Variants in IBTK observed in about 807,000 individuals in gnomAD.
IBTK encodes inhibitor of Bruton tyrosine kinase.
Under a neutral mutation model 154.9 loss-of-function variants are expected in IBTK, and 83 were observed. That is an observed-to-expected ratio of 0.54 (90% CI 0.45 to 0.64). The LOEUF (loss-of-function observed/expected upper bound fraction) is 0.64, where lower values mean the gene tolerates loss of function less well. IBTK is among the 30% of genes least tolerant of loss of function. The pLI, the probability that IBTK is intolerant of heterozygous loss-of-function variation, is 0.00. For missense variants in IBTK, 1,332 were observed against 1,584.6 expected, an observed-to-expected ratio of 0.84 and a Z score of 2.71; for synonymous variants, 515 against 536.1, an observed-to-expected ratio of 0.96 and a Z score of 0.54.
At chr6:82,242,285 C>T (rs1770980919) in intron 1 of IBTK, among the ~76,000 whole-genome samples, 1 of 151,976 alleles carries the variant, frequency 6.6e-6, no homozygotes, top group African/African-American at 2.4e-5. Flanking sequence ...AGGAGAATCG[C>T]TTGAACCCAG....
chr6:82,215,258 C>A (rs568290241), intron 11 of IBTK, among the ~76,000 whole-genome samples: 4 of 152,140 alleles, frequency 2.6e-5, no homozygotes, highest in Non-Finnish European at 5.9e-5. Flanking sequence ...TGGATGATGA[C>A]CCTACTTGCA....
chr6:82,217,544 A>G (rs1445672053), intron 10 of IBTK, among the ~76,000 whole-genome samples: 1 of 152,188 alleles, frequency 6.6e-6, no homozygotes, highest in African/African-American at 2.4e-5. Flanking sequence ...ATGTTTACAG[A>G]CTTGAATAAT....
chr6:82,208,911 A>G (rs1012744676), intron 16 of IBTK, among the ~76,000 whole-genome samples: 5 of 152,176 alleles, frequency 3.3e-5, no homozygotes, highest in Non-Finnish European at 5.9e-5. Context: ...AATAATTGAG[A>G]AAAAAAGTGT....
chr6:82,192,035 T>C (rs765986866), intron 23 of IBTK, among the ~76,000 whole-genome samples, 156 bp from the exon 24 acceptor site: 2 of 152,174 alleles, frequency 1.3e-5, no homozygotes, highest in Non-Finnish European at 2.9e-5. Context: ...ATATTTTGAA[T>C]AAAAGCTACT....
In IBTK at chr6:82,200,235, T is replaced by G; in HGVS notation, c.2931A>C (p.Lys977Asn). The G allele has an allele frequency of 1.2e-6, 2 of 1,613,144 alleles. No homozygotes were observed. The highest frequency in any genetic ancestry group is 8.5e-7 in the Non-Finnish European group (1 of 1,179,262). ...GCTTCTTTTTAGCTTTTGTTTTTGC[T>G]TTCTTGAACATAGTTTCCCTAGGAA... is the stretch of plus-strand genomic sequence containing the variant. ...EQNHSETMFKKAKTKAKKKPR... is the reference protein window; with the variant it reads ...EQNHSETMFKNAKTKAKKKPR... Residue 977 changes from lysine to asparagine, a missense_variant, in exon 21 of 29, where the codon AAA becomes AAC. Transcript: ENST00000306270.
chr6:82,235,802 G>A (rs1011679865), intron 2 of IBTK, among the ~76,000 whole-genome samples: 1 of 152,242 alleles, frequency 6.6e-6, no homozygotes, highest in African/African-American at 2.4e-5. Context: ...TCCAGTTGCA[G>A]GCAAAAATAA....
intron 17 of IBTK, among the ~76,000 whole-genome samples, chr6:82,204,244 C>T (rs75887761): frequency 0.041 from 6,243 of 152,062 alleles, 233 homozygotes; most frequent in South Asian, 0.15. Context: ...AGTGAGAACC[C>T]AAAGGTAGGG....
At chr6:82,245,070 T>A (rs1274907452) in intron 1 of IBTK, among the ~76,000 whole-genome samples, 2 of 152,216 alleles carry the variant, frequency 1.3e-5, no homozygotes, top group African/African-American at 4.8e-5. Flanking sequence ...TATGATCTAT[T>A]ACACAGTTCC....
At chr6:82,245,292 C>T (rs1335455376) in intron 1 of IBTK, among the ~76,000 whole-genome samples, 1 of 152,146 alleles carries the variant, frequency 6.6e-6, no homozygotes, top group African/African-American at 2.4e-5. Context: ...GGCACAGTGG[C>T]TCATGCCTGT....
intron 12 of IBTK, among the ~76,000 whole-genome samples, chr6:82,213,009 C>G (rs766523491): frequency 6.6e-6 from 1 of 151,126 alleles, no homozygotes; most frequent in Non-Finnish European, 1.5e-5. Flanking sequence ...AAAGACAAAT[C>G]AAAGCCATAG....
chr6:82,246,598 C>A (rs572043817), intron 1 of IBTK, among the ~76,000 whole-genome samples: 1 of 152,062 alleles, frequency 6.6e-6, no homozygotes, highest in African/African-American at 2.4e-5. Flanking sequence ...CCACCGCGCC[C>A]GGCCTAAAAA....
chr6:82,225,278 C>T (rs139412188), intron 6 of IBTK, among the ~76,000 whole-genome samples, 199 bp downstream of exon 6: 2,621 of 151,916 alleles, frequency 0.017, 35 homozygotes, highest in Non-Finnish European at 0.029. Context: ...CCACTGCACT[C>T]CAGCCTGGGC....
In IBTK at chr6:82,194,638, T is replaced by C. The variant is rs764038171; in HGVS notation, c.3179A>G (p.Lys1060Arg). 2 of 1,576,610 alleles carry C rather than the reference T, an allele frequency of 1.3e-6. No homozygotes were observed. Among genetic ancestry groups the C allele is most frequent in the South Asian group, 2.4e-5 (2 of 82,560 alleles). ...TGTACCATTAACATACGGTTTGACT[T>C]TCGCCTGGGGAGAGAAAAAAAATAA... The part of the protein sequence containing the change: ...TGFHSDKIEA[K>R]VKPYVNGTSP... Residue 1060 changes from lysine to arginine, a missense_variant, in exon 23 of 29, where the codon AAA (lysine) becomes AGA (arginine). Lys to Arg is a conservative substitution (Grantham distance 26). Coordinates refer to ENST00000306270, the MANE Select transcript of IBTK (RefSeq NM_015525.4).
chr6:82,173,567 C>A, intron 26 of IBTK, 129 bp from the exon 27 acceptor site: 1 of 565,922 alleles, frequency 1.8e-6, no homozygotes, highest in Non-Finnish European at 3.1e-6. Flanking sequence ...TGCAGTCAAG[C>A]TTACCTTTAA....
intron 8 of IBTK, among the ~76,000 whole-genome samples, chr6:82,221,902 C>T (rs1473520133): frequency 3.3e-5 from 5 of 152,100 alleles, no homozygotes; most frequent in East Asian, 1.9e-4. Context: ...CAGTGGCTCA[C>T]GCCTGTAATC....
chr6:82,183,899 C>T (rs888519300), intron 25 of IBTK, among the ~76,000 whole-genome samples: 1 of 152,202 alleles, frequency 6.6e-6, no homozygotes, highest in African/African-American at 2.4e-5. Flanking sequence ...CTGTCTCTCA[C>T]CCTGCTGGCA....
chr6:82,200,327 A>T (rs1261439725), intron 20 of IBTK, 74 bp from the exon 21 acceptor site: 2 of 1,025,432 alleles, frequency 2.0e-6, no homozygotes, highest in Non-Finnish European at 3.0e-6. Context: ...TTAACCCAAC[A>T]TGTTTAACCT....
At chr6:82,227,907 T>C (rs1017129596) in intron 4 of IBTK, among the ~76,000 whole-genome samples, 1 of 151,936 alleles carries the variant, frequency 6.6e-6, no homozygotes, top group Non-Finnish European at 1.5e-5. Flanking sequence ...CCTTTTTCCT[T>C]ATCTGCCTCA....
intron 12 of IBTK, among the ~76,000 whole-genome samples, chr6:82,213,069 C>A (rs949147830): frequency 3.9e-5 from 6 of 151,946 alleles, no homozygotes; most frequent in Admixed American, 2.6e-4. Context: ...GCTCTGTTGC[C>A]CAGGCTAGAG....
Sources: gnomAD v4.1 joint callset for allele counts (sites outside exome capture counted in the v4.1 genomes callset) on GRCh38, gnomAD v4.1.1 for gene constraint, MANE v1.5 for transcripts, NCBI Gene and HGNC (gene_info 2026-07-23, HGNC 2026-07-21) for gene names.